DUSP14: variants seen among roughly 807,000 people sequenced by gnomAD.
DUSP14 encodes the protein dual specificity phosphatase 14, also known as dual specificity protein phosphatase 14.
DUSP14 carries 5 observed loss-of-function variants against 13.2 expected under a neutral mutation model. The observed-to-expected ratio is 0.38, with a 90% confidence interval of 0.20 to 0.80. The LOEUF is 0.80. Ranked by LOEUF, DUSP14 falls within the 30% of genes least tolerant of loss-of-function variation. DUSP14 has a pLI of 0.44. For missense variants in DUSP14, 185 were observed against 264.0 expected (o/e 0.70, Z 2.07); for synonymous variants, 91 against 103.4 (o/e 0.88, Z 0.73).
intron 1 of DUSP14, among the ~76,000 whole-genome samples, chr17:37,508,707 C>G (rs948791785): frequency 2.7e-5 from 4 of 150,402 alleles, no homozygotes; most frequent in African/African-American, 9.8e-5. Context: ...GCACTCCAGC[C>G]TGGGTGACAG....
upstream of DUSP14, among the ~76,000 whole-genome samples, chr17:37,489,108 C>T (rs931780031): frequency 6.6e-6 from 1 of 152,116 alleles, no homozygotes; most frequent in South Asian, 2.1e-4. Flanking sequence ...CGTTTCGCAC[C>T]GACTTATGTT....
chr17:37,493,846 G>A (rs1309529935), intron 1 of DUSP14, among the ~76,000 whole-genome samples: 1 of 151,998 alleles, frequency 6.6e-6, no homozygotes, highest in Admixed American at 6.6e-5. Flanking sequence ...ACAGTGTAGT[G>A]TGCAGGAACC....
At chr17:37,488,608 C>T (rs746056332), upstream of DUSP14, among the ~76,000 whole-genome samples, 1 of 152,172 alleles carries the variant, frequency 6.6e-6, no homozygotes, top group African/African-American at 2.4e-5. Flanking sequence ...TTTGTTTTCT[C>T]TTAGATTAAT....
rs1167701848 is a variant in DUSP14 at position 37,512,719 on chromosome 17, G to A, written c.447G>A (p.Arg149=). The A allele has an allele frequency of 1.9e-6, 3 of 1,613,910 alleles. No homozygotes were observed. In the African/African-American group the frequency reaches 4.0e-5, roughly 22 times the overall value. ...TGAAAGCCCGGCGACCTGTCATCAG[G>A]CCCAACGTAGGCTTCTGGAGGCAAC... ...NWVKARRPVI[R]PNVGFWRQLI... Residue 149 remains arginine, a synonymous_variant, in exon 3 of 3, where the codon AGG becomes AGA. Coordinates refer to ENST00000617516, the MANE Select transcript of DUSP14 (RefSeq NM_007026.4). This position sits in a 1 kb window ranked among gnomAD's most constrained non-coding sequence, Gnocchi z 4.8.
intron 1 of DUSP14, among the ~76,000 whole-genome samples, chr17:37,507,734 T>A (rs1274569133): frequency 6.6e-6 from 1 of 152,154 alleles, no homozygotes; most frequent in Non-Finnish European, 1.5e-5. Context: ...CCACCGTGTC[T>A]ATGGCCAAGC....
At chr17:37,495,730 G>A (rs2054060289) in intron 1 of DUSP14, among the ~76,000 whole-genome samples, 1 of 151,918 alleles carries the variant, frequency 6.6e-6, no homozygotes, top group Non-Finnish European at 1.5e-5. Flanking sequence ...CGCGATCTCG[G>A]CTCACTGCAA....
chr17:37,498,503 T>TTTTTAGTAGAGACGGG (rs947817714), intron 1 of DUSP14, among the ~76,000 whole-genome samples: 4 of 151,806 alleles, frequency 2.6e-5, no homozygotes, highest in Non-Finnish European at 4.4e-5. Context: ...ATTTTTTGTA[T>TTTTTAGTAGAGACGGG]TTTTAGTAGA....
rs749161361 is a variant in DUSP14, at chr17:37,512,239, C to T, written c.-34C>T. 41 of 1,540,588 alleles carry T rather than the reference C, an allele frequency of 2.7e-5. No homozygotes were observed. The East Asian group carries it at 5.9e-4, about 22-fold the overall frequency. On this transcript the variant is annotated 5_prime_UTR_variant, in exon 3 of 3. Transcript: ENST00000617516. This position sits in a 1 kb window ranked among gnomAD's most constrained non-coding sequence, Gnocchi z 4.8. ...GGAAAATAAAACACTCTGGTCTTGC[C>T]GCCAACGATGCAAGTGTGACTGCTG...
At chr17:37,495,140 C>T (rs2054055127) in intron 1 of DUSP14, among the ~76,000 whole-genome samples, 1 of 152,166 alleles carries the variant, frequency 6.6e-6, no homozygotes, top group Admixed American at 6.5e-5. Flanking sequence ...GGCCTTCCAG[C>T]GGGCAGCTTT....
intron 1 of DUSP14, among the ~76,000 whole-genome samples, chr17:37,509,448 G>A (rs999246126): frequency 1.3e-5 from 2 of 150,036 alleles, no homozygotes; most frequent in African/African-American, 4.9e-5. Flanking sequence ...AGCCACCCAA[G>A]TAGCTGGGAT....
At position 37,509,156 on chromosome 17, in the gene DUSP14, C is replaced by T. The variant is rs1363874509; in HGVS notation, c.-180-1521C>T. Among the ~76,000 whole-genome samples, 15 of 67,784 alleles carry T rather than the reference C, an allele frequency of 2.2e-4. 2 individuals are homozygous for T. Among genetic ancestry groups the T allele is most frequent in the East Asian group, 1.3e-3 (2 of 1,530 alleles). 44.5% of individuals were successfully genotyped at this position (67,784 alleles called of 152,430 possible). ...ACACACACACACACACACACACACA[C>T]ACACACACACACTCTATATATATAT... On this transcript the variant is annotated intron_variant, in intron 1 of 2. Transcript: ENST00000617516.
At position 37,509,284 on chromosome 17, in the gene DUSP14, TA is replaced by T. The variant is rs2054165975; in HGVS notation, c.-180-1392del. Among the ~76,000 whole-genome samples the T allele has an allele frequency of 4.5e-4, 13 of 29,208 alleles. 1 individual carries two copies. The highest frequency in any genetic ancestry group is 6.9e-4 in the Non-Finnish European group (11 of 15,934). 19.2% of individuals were successfully genotyped at this position (29,208 alleles called of 152,430 possible). A position where few individuals can be genotyped will look rare whatever the true frequency, so the allele number is the denominator to read the frequency against. On this transcript the variant is annotated intron_variant, in intron 1 of 2. Transcript: ENST00000617516. ...ATATATATATATATATATATATATA[TA>T]TATATATATATAGTGTGTGTGTGTG...
chr17:37,509,810 G>A (rs928537013), intron 1 of DUSP14: 2 of 151,940 alleles, frequency 1.3e-5, no homozygotes, highest in African/African-American at 4.8e-5. Flanking sequence ...ATGATGTACT[G>A]GTGTCTCCAT....
rs145604910 is a variant in DUSP14 at position 37,497,232 on chromosome 17, C to T, written c.-181+7274C>T. On this transcript the variant is annotated intron_variant, in intron 1 of 2. Coordinates refer to ENST00000617516, the MANE Select transcript of DUSP14 (RefSeq NM_007026.4). ...ATCTCAGCTCACTGCAACCTCCGCC[C>T]TCCAGGTTCAAGTGATTCTCTTACC... 1.9e-3 allele frequency among the ~76,000 whole-genome samples: 293 copies of T among 152,112 alleles called. 3 individuals carry two copies. Among genetic ancestry groups the T allele is most frequent in the African/African-American group, 6.8e-3 (282 of 41,540 alleles).
At chr17:37,498,094 G>A (rs2143068986) in intron 1 of DUSP14, among the ~76,000 whole-genome samples, 1 of 150,940 alleles carries the variant, frequency 6.6e-6, no homozygotes, top group East Asian at 1.9e-4. Flanking sequence ...ATTTTGTACT[G>A]TCACATATGT....
chr17:37,492,347 T>C (rs2054034662), intron 1 of DUSP14, among the ~76,000 whole-genome samples: 1 of 152,234 alleles, frequency 6.6e-6, no homozygotes, highest in Non-Finnish European at 1.5e-5. Flanking sequence ...GGCCTGGGTA[T>C]AAACTTACAG....
chr17:37,491,947 A>G (rs887060452), intron 1 of DUSP14, among the ~76,000 whole-genome samples: 2 of 152,182 alleles, frequency 1.3e-5, no homozygotes, highest in African/African-American at 4.8e-5. Context: ...CGGTTTGTGT[A>G]TATCTTTTTA....
At chr17:37,510,808 C>T (rs570987031) in intron 2 of DUSP14, 44 bp downstream of exon 2, 1 of 152,236 alleles carries the variant, frequency 6.6e-6, no homozygotes, top group East Asian at 1.9e-4. Context: ...CGGGGAGGCT[C>T]TTGTCTGACT....
intron 1 of DUSP14, among the ~76,000 whole-genome samples, chr17:37,498,317 T>C (rs2054079770): frequency 4.6e-5 from 1 of 21,528 alleles, no homozygotes; most frequent in African/African-American, 2.4e-4. Flanking sequence ...ATTGTATCTT[T>C]TTTTTTTTTT....
Sources: allele counts gnomAD v4.1 joint callset (sites outside exome capture counted in the v4.1 genomes callset), GRCh38; gene constraint gnomAD v4.1.1; non-coding constraint Gnocchi (gnomAD v3.1); transcripts MANE v1.5; gene names NCBI Gene and HGNC (gene_info 2026-07-23, HGNC 2026-07-21).